The following HSPA12A variants were observed in gnomAD, a reference collection of about 807,000 sequenced individuals.
HSPA12A encodes heat shock 70 kDa protein 12A.
In HSPA12A, 28 loss-of-function variants were observed where a neutral mutation model predicts 69.2. The observed-to-expected ratio is 0.40, with a 90% CI of 0.30 to 0.55. The LOEUF (loss-of-function observed/expected upper bound fraction) is 0.55, where lower values mean the gene tolerates loss of function less well. HSPA12A is among the 20% of genes least tolerant of loss of function. The pLI is 0.38. For synonymous variants in HSPA12A, 345 were observed against 370.5 expected, an observed-to-expected ratio of 0.93 and a Z score of 0.79; for missense variants, 686 against 900.7, an observed-to-expected ratio of 0.76 and a Z score of 3.05.
chr10:116,843,992 A>G (rs923579727), intron 1 of HSPA12A, among the ~76,000 whole-genome samples: 2 of 152,226 alleles, frequency 1.3e-5, no homozygotes, highest in African/African-American at 4.8e-5. Context: ...CCACTTACTG[A>G]GAGTTCTTTC....
intron 3 of HSPA12A, among the ~76,000 whole-genome samples, chr10:116,704,407 C>T (rs1554882026): frequency 3.3e-5 from 5 of 150,792 alleles, no homozygotes; most frequent in South Asian, 2.1e-4. Context: ...GGGAATTGAA[C>T]AATGAGAACA....
chr10:116,723,410 C>T lies in HSPA12A; in HGVS notation c.41-16125G>A, dbSNP rs967255957. 1.3e-5 allele frequency among the ~76,000 whole-genome samples: 2 copies of T among 152,172 alleles called. No homozygotes were observed. Among genetic ancestry groups the T allele is most frequent in the Non-Finnish European group, 2.9e-5 (2 of 68,028 alleles). Reference sequence around the variant, plus strand: ...TAGGCACAGCCCCAAGCTGTTCTTCCAGGGGCAGGGGACGGGGCTGAGGAC... The same window carrying T: ...TAGGCACAGCCCCAAGCTGTTCTTCTAGGGGCAGGGGACGGGGCTGAGGAC... On this transcript the variant is annotated intron_variant, in intron 1 of 11. Coordinates refer to ENST00000369209, the MANE Select transcript of HSPA12A (RefSeq NM_025015.3). This position sits in a 1 kb window ranked among gnomAD's most constrained non-coding sequence, Gnocchi z 4.1.
intron 2 of HSPA12A, among the ~76,000 whole-genome samples, chr10:116,799,456 AAC>A (rs1052139033): frequency 1.3e-5 from 2 of 152,298 alleles, no homozygotes; most frequent in East Asian, 3.9e-4. Context: ...GACCTGAACA[AAC>A]ACACACACGC....
intron 2 of HSPA12A, among the ~76,000 whole-genome samples, chr10:116,819,060 G>A (rs939066664): frequency 1.2e-4 from 18 of 152,066 alleles, no homozygotes; most frequent in African/African-American, 4.1e-4. Context: ...TGAGACAGAT[G>A]CTCCACAAGG....
chr10:116,774,014 C>CTT (rs781996886), intron 2 of HSPA12A, among the ~76,000 whole-genome samples: 5 of 144,956 alleles, frequency 3.4e-5, no homozygotes, highest in East Asian at 2.0e-4. Flanking sequence ...GTGGCAAGGG[C>CTT]TTTTTTTTTT....
chr10:116,763,584 G>C (rs1844017219), intron 2 of HSPA12A, among the ~76,000 whole-genome samples: 1 of 152,188 alleles, frequency 6.6e-6, no homozygotes, highest in Non-Finnish European at 1.5e-5. Context: ...CCCCCAGCAG[G>C]GTGGGGCCAG....
chr10:116,689,679 G>A (rs1849680104), intron 6 of HSPA12A, among the ~76,000 whole-genome samples: 1 of 152,120 alleles, frequency 6.6e-6, no homozygotes, highest in Admixed American at 6.5e-5. Context: ...CAGTTATAGA[G>A]GCTGAGAAGT....
chr10:116,742,559 C>G lies in HSPA12A; in HGVS notation c.-90G>C, dbSNP rs1472706175. ...GTCCGCGTCCGCGGCGGCGCTCGGG[C>G]CGTGTCTGAGCCGCCGGGCAGCGGG... On this transcript the variant is annotated 5_prime_UTR_variant, in exon 1 of 12. Transcript: ENST00000369209. 6.9e-6 allele frequency: 8 copies of G among 1,163,562 alleles called. No individual in the cohort carries two copies. The highest frequency in any genetic ancestry group is 8.5e-6 in the Non-Finnish European group (8 of 944,622). 72.1% of individuals were successfully genotyped at this position (1,163,562 alleles called of 1,614,324 possible). A position where few individuals can be genotyped will look rare whatever the true frequency, so the allele number is the denominator to read the frequency against.
intron 1 of HSPA12A, among the ~76,000 whole-genome samples, chr10:116,724,368 G>A (rs1227624069): frequency 6.6e-6 from 1 of 152,170 alleles, no homozygotes; most frequent in African/African-American, 2.4e-5. Flanking sequence ...GTGAAACATT[G>A]TTACATGTGT....
Position 116,838,150 on chromosome 10 carries a change from G to A in HSPA12A, c.4-3128C>T, listed in dbSNP as rs7081504. ...TTCTAGTAGCTTTGCCTATTTGATC[G>A]GTGGTCTAGGCACAGGAAAGTGGGT... On this transcript the variant is annotated intron_variant, in intron 1 of 12. Coordinates refer to the HSPA12A transcript ENST00000635765. 4.4e-3 allele frequency among the ~76,000 whole-genome samples: 675 copies of A among 152,232 alleles called. 5 individuals carry two copies. The highest frequency in any genetic ancestry group is 0.016 in the African/African-American group (645 of 41,548).
chr10:116,771,324 A>C (rs1021516675), intron 2 of HSPA12A, among the ~76,000 whole-genome samples: 1 of 152,094 alleles, frequency 6.6e-6, no homozygotes, highest in East Asian at 1.9e-4. Context: ...TGGAGGCCAC[A>C]CAGAGGGGAG....
At chr10:116,775,100 GCCC>G (rs77242142) in intron 2 of HSPA12A, among the ~76,000 whole-genome samples, 2,405 of 152,306 alleles carry the variant, frequency 0.016, 28 homozygotes, top group Non-Finnish European at 0.024. Context: ...TGGCACAGGT[GCCC>G]CCAAGGGATT....
At position 116,721,722 on chromosome 10, in the gene HSPA12A, C is replaced by T. The variant is rs189191402; in HGVS notation, c.41-14437G>A. 1.0e-3 allele frequency among the ~76,000 whole-genome samples: 159 copies of T among 152,222 alleles called. 2 individuals carry two copies. The South Asian group carries it at 0.028, about 27-fold the overall frequency. ...TCTCTCCAAACCCTTTACTGAGCTG[C>T]GGTGGGGACAGCAGGCCTCAGAAAC... is the stretch of plus-strand genomic sequence containing the variant. On this transcript the variant is annotated intron_variant, in intron 1 of 11. Transcript: ENST00000369209.
chr10:116,772,332 A>T (rs993679205), intron 2 of HSPA12A, among the ~76,000 whole-genome samples: 5 of 152,090 alleles, frequency 3.3e-5, no homozygotes, highest in Admixed American at 3.3e-4. Context: ...CAGAGCCCCA[A>T]CACTTGGCAG....
chr10:116,741,432 C>T (rs1851501740), intron 1 of HSPA12A, among the ~76,000 whole-genome samples: 1 of 152,248 alleles, frequency 6.6e-6, no homozygotes, highest in Non-Finnish European at 1.5e-5. Flanking sequence ...TCGCAGGCGG[C>T]TTGCCTGTCG....
chr10:116,828,166 C>T (rs915206487), intron 2 of HSPA12A, among the ~76,000 whole-genome samples: 1 of 152,270 alleles, frequency 6.6e-6, no homozygotes, highest in South Asian at 2.1e-4. Flanking sequence ...GAAATAAGAA[C>T]TTATGGATAC....
At chr10:116,825,924 C>G (rs561998521) in intron 2 of HSPA12A, among the ~76,000 whole-genome samples, 5 of 152,292 alleles carry the variant, frequency 3.3e-5, no homozygotes, top group Admixed American at 1.3e-4. Flanking sequence ...AGAATGAAAA[C>G]AGGCTGTGAA....
chr10:116,803,084 T>A (rs1304947171), intron 2 of HSPA12A, among the ~76,000 whole-genome samples: 1 of 152,246 alleles, frequency 6.6e-6, no homozygotes, highest in East Asian at 1.9e-4. Flanking sequence ...CAGCCTTACC[T>A]TATGAAAGCT....
At position 116,711,843 on chromosome 10, in the gene HSPA12A, T is replaced by A. The variant is rs565848715; in HGVS notation, c.41-4558A>T. On this transcript the variant is annotated intron_variant, in intron 1 of 11. Transcript: ENST00000369209. ...CGCGCCCAGCTAATGTTTTTTTTTT[T>A]TAAATTTTTAAATTTTTTTATTTTT... is the stretch of plus-strand genomic sequence containing the variant. Among the ~76,000 whole-genome samples, 378 of 151,738 alleles carry A rather than the reference T, an allele frequency of 2.5e-3. 1 individual carries two copies. The highest frequency in any genetic ancestry group is 4.4e-3 in the South Asian group (21 of 4,800).
Sources: allele counts gnomAD v4.1 joint callset (sites outside exome capture counted in the v4.1 genomes callset), GRCh38; gene constraint gnomAD v4.1.1; non-coding constraint Gnocchi (gnomAD v3.1); transcripts MANE v1.5; gene names NCBI Gene and HGNC (gene_info 2026-07-23, HGNC 2026-07-21).